LINGO2: variants seen among roughly 807,000 people sequenced by gnomAD.
The protein encoded by LINGO2 is leucine-rich repeat and immunoglobulin-like domain-containing nogo receptor-interacting protein 2.
Under a neutral mutation model 30.6 loss-of-function variants are expected in LINGO2, and 14 were observed. That is an observed-to-expected ratio of 0.46 (90% confidence interval 0.30 to 0.72). The LOEUF (loss-of-function observed/expected upper bound fraction) is 0.72, where lower values mean the gene tolerates loss of function less well. LINGO2 is among the 30% of genes least tolerant of loss of function. LINGO2 has a pLI of 0.07. For missense variants in LINGO2, 729 were observed against 751.7 expected (o/e 0.97, Z 0.35); for synonymous variants, 317 against 288.5 (o/e 1.10, Z -1.00).
At chr9:28,422,924 CA>C (rs1823261928) in intron 2 of LINGO2, among the ~76,000 whole-genome samples, 1 of 151,886 alleles carries the variant, frequency 6.6e-6, no homozygotes, top group African/African-American at 2.4e-5. Context: ...AAGCTAGTCA[CA>C]AAAGGACAAA....
chr9:27,993,579 C>T (rs1821505368), intron 5 of LINGO2, among the ~76,000 whole-genome samples: 1 of 152,110 alleles, frequency 6.6e-6, no homozygotes, highest in African/African-American at 2.4e-5. Flanking sequence ...CCACAACTTT[C>T]TTATGAAATC....
chr9:29,090,039 T>C, the LINGO2 span, among the ~76,000 whole-genome samples: 3 of 152,138 alleles, frequency 2.0e-5, no homozygotes, highest in East Asian at 1.9e-4. Flanking sequence ...AAACCTATTA[T>C]ATTACACTCT....
intron 4 of LINGO2, among the ~76,000 whole-genome samples, chr9:28,117,166 T>G (rs1331882111): frequency 6.6e-6 from 1 of 150,952 alleles, no homozygotes; most frequent in Non-Finnish European, 1.5e-5. Flanking sequence ...TGGAATACTC[T>G]GCCATGTGAG....
the LINGO2 span, among the ~76,000 whole-genome samples, chr9:28,729,044 G>C: frequency 1.3e-5 from 2 of 152,220 alleles, no homozygotes; most frequent in African/African-American, 2.4e-5. Context: ...TGGGGGACTG[G>C]CAGGAATAGT....
intron 2 of LINGO2, among the ~76,000 whole-genome samples, chr9:28,408,614 C>A (rs1251878842): frequency 7.4e-6 from 1 of 135,476 alleles, no homozygotes; most frequent in African/African-American, 2.8e-5. Context: ...ACACCACGGA[C>A]TGTTGTGGGG....
At chr9:28,510,518 AG>A (rs1193899932) in intron 1 of LINGO2, among the ~76,000 whole-genome samples, 1 of 152,020 alleles carries the variant, frequency 6.6e-6, no homozygotes, top group African/African-American at 2.4e-5. Flanking sequence ...AAGGAAGAGG[AG>A]GGGTTGATCT....
upstream of LINGO2, among the ~76,000 whole-genome samples, chr9:28,674,827 G>A (rs1563908278): frequency 6.6e-6 from 1 of 152,026 alleles, no homozygotes; most frequent in Non-Finnish European, 1.5e-5. Context: ...ATTGCATAAG[G>A]CTAATAACAC....
At chr9:28,737,283 A>G in the LINGO2 span, among the ~76,000 whole-genome samples, 1 of 152,216 alleles carries the variant, frequency 6.6e-6, no homozygotes, top group Admixed American at 6.5e-5. Flanking sequence ...ATGTGATACT[A>G]AAGCCACAAT....
chr9:28,297,919 G>T (rs1316217986), intron 3 of LINGO2, among the ~76,000 whole-genome samples: 2 of 152,160 alleles, frequency 1.3e-5, no homozygotes, highest in Non-Finnish European at 2.9e-5. Flanking sequence ...GTGTGCGGGG[G>T]TAGGGGAAGA....
the LINGO2 span, among the ~76,000 whole-genome samples, chr9:28,693,819 G>GT: frequency 1.3e-5 from 2 of 151,970 alleles, no homozygotes; most frequent in Non-Finnish European, 2.9e-5. Flanking sequence ...CTTTTTATAG[G>GT]TTTTTTATAA....
the LINGO2 span, among the ~76,000 whole-genome samples, chr9:29,037,875 A>G: frequency 3.3e-5 from 5 of 152,064 alleles, no homozygotes; most frequent in African/African-American, 9.7e-5. Context: ...AGAAAAGCAC[A>G]TAGTGCATGG....
At chr9:27,952,352 G>A (rs1379343959) in intron 5 of LINGO2, among the ~76,000 whole-genome samples, 3 of 151,904 alleles carry the variant, frequency 2.0e-5, no homozygotes, top group Non-Finnish European at 4.4e-5. Context: ...AAAGAGAGAT[G>A]TACTATGTAG....
chr9:28,073,645 A>G (rs1297320501), intron 4 of LINGO2, among the ~76,000 whole-genome samples: 1 of 152,214 alleles, frequency 6.6e-6, no homozygotes, highest in African/African-American at 2.4e-5. Flanking sequence ...ACTTGCATTT[A>G]GAGTCCAACT....
At chr9:27,972,496 G>T (rs1162066544) in intron 5 of LINGO2, among the ~76,000 whole-genome samples, 1 of 152,148 alleles carries the variant, frequency 6.6e-6, no homozygotes, top group Non-Finnish European at 1.5e-5. Context: ...AGTCCGTCAT[G>T]AACAAGTCAC....
chr9:28,565,966 T>A (rs564682352), intron 1 of LINGO2, among the ~76,000 whole-genome samples: 3 of 152,154 alleles, frequency 2.0e-5, no homozygotes, highest in Non-Finnish European at 4.4e-5. Flanking sequence ...TATATCTATA[T>A]CTGTATATTA....
intron 4 of LINGO2, among the ~76,000 whole-genome samples, chr9:28,219,895 T>A (rs4271048): frequency 0.73 from 111,179 of 152,030 alleles, 41,235 homozygotes; most frequent in East Asian, 0.83. Flanking sequence ...GCTGTATCCA[T>A]GAGATCTATA....
intron 4 of LINGO2, among the ~76,000 whole-genome samples, chr9:28,259,175 C>A (rs569993339): frequency 9.2e-5 from 14 of 152,012 alleles, no homozygotes; most frequent in Non-Finnish European, 1.3e-4. Context: ...AGAGTCCTGA[C>A]TCAGTCTATC....
chr9:27,981,425 G>A (rs10968249), intron 5 of LINGO2, among the ~76,000 whole-genome samples: 100 of 149,412 alleles, frequency 6.7e-4, no homozygotes, highest in East Asian at 6.0e-3. Flanking sequence ...ACTAAAGTTC[G>A]TATTATTTCT....
At chr9:28,866,137 T>C in the LINGO2 span, among the ~76,000 whole-genome samples, 1 of 152,144 alleles carries the variant, frequency 6.6e-6, no homozygotes, top group African/African-American at 2.4e-5. Flanking sequence ...CTCTATTTTA[T>C]ATAAGTAGAT....
Sources: allele counts gnomAD v4.1 joint callset (sites outside exome capture counted in the v4.1 genomes callset), GRCh38; gene constraint gnomAD v4.1.1; transcripts MANE v1.5; gene names NCBI Gene and HGNC (gene_info 2026-07-23, HGNC 2026-07-21).